The following PLGRKT variants were observed in gnomAD, a reference collection of about 807,000 sequenced individuals.
PLGRKT encodes the protein plasminogen receptor with a C-terminal lysine, also known as plasminogen receptor (KT).
Under a neutral mutation model 18.5 loss-of-function variants are expected in PLGRKT, and 22 were observed. The observed-to-expected ratio is 1.19, with a 90% CI of 0.85 to 1.70. The LOEUF (loss-of-function observed/expected upper bound fraction) is 1.70, where lower values mean the gene tolerates loss of function less well. PLGRKT is among the 40% of genes most tolerant of loss of function. The pLI is 0.00. For missense variants in PLGRKT, 235 were observed against 174.4 expected (o/e 1.35, Z -1.96); for synonymous variants, 72 against 52.8 (o/e 1.36, Z -1.58).
chr9:5,369,925 C>A (rs904858480), intron 3 of PLGRKT, among the ~76,000 whole-genome samples: 13 of 151,814 alleles, frequency 8.6e-5, no homozygotes, highest in Non-Finnish European at 1.9e-4. Context: ...ACATCACACA[C>A]CAGGGCCTGT....
Position 5,418,630 on chromosome 9 carries a change from A to G in PLGRKT, c.81+13267T>C, listed in dbSNP as rs1451897849. On this transcript the variant is annotated intron_variant, in intron 3 of 5. Coordinates refer to ENST00000223864, the MANE Select transcript of PLGRKT (RefSeq NM_018465.4). This position sits in a 1 kb window ranked among gnomAD's most constrained non-coding sequence, Gnocchi z 4.2. ...GTTCCTGGGCAGCAGGTGGCGGCTCATATCTCCGGGCAGCAGCGCGTGCTC... is the reference window on the plus strand; with the variant it reads ...GTTCCTGGGCAGCAGGTGGCGGCTCGTATCTCCGGGCAGCAGCGCGTGCTC... 2 of 709,490 alleles carry G rather than the reference A, an allele frequency of 2.8e-6. No homozygotes were observed. Among genetic ancestry groups the G allele is most frequent in the Non-Finnish European group, 5.3e-6 (2 of 379,538 alleles). 43.9% of individuals were successfully genotyped at this position (709,490 alleles called of 1,614,324 possible).
chr9:5,367,858 C>G (rs1179938448), intron 3 of PLGRKT, among the ~76,000 whole-genome samples: 1 of 152,096 alleles, frequency 6.6e-6, no homozygotes, highest in African/African-American at 2.4e-5. Flanking sequence ...GGTCTAGTAT[C>G]CAGAATCTAT....
chr9:5,370,459 A>G (rs1236252085), intron 3 of PLGRKT, among the ~76,000 whole-genome samples: 1 of 152,232 alleles, frequency 6.6e-6, no homozygotes, highest in Admixed American at 6.5e-5. Context: ...TATTTACTGG[A>G]GCCTTCCCTA....
chr9:5,377,879 T>A (rs1247428723), intron 3 of PLGRKT, among the ~76,000 whole-genome samples: 1 of 152,088 alleles, frequency 6.6e-6, no homozygotes, highest in East Asian at 1.9e-4. Context: ...TCGAGGCAAT[T>A]CTGCACTTCG....
chr9:5,400,894 C>T (rs1818141395), intron 3 of PLGRKT, among the ~76,000 whole-genome samples: 1 of 151,848 alleles, frequency 6.6e-6, no homozygotes, highest in African/African-American at 2.4e-5. Context: ...CAGAAACATT[C>T]TGAGGCACTG....
chr9:5,411,462 G>A (rs1044473198), intron 3 of PLGRKT, among the ~76,000 whole-genome samples: 1 of 151,944 alleles, frequency 6.6e-6, no homozygotes, highest in East Asian at 1.9e-4. Context: ...ACCAATTCTT[G>A]GGTATCCTTC....
chr9:5,405,883 A>G (rs562435002), intron 3 of PLGRKT, among the ~76,000 whole-genome samples: 1 of 152,356 alleles, frequency 6.6e-6, no homozygotes, highest in South Asian at 2.1e-4. Flanking sequence ...AATATCCAGA[A>G]TCTACAAGGA....
At chr9:5,423,335 C>T (rs1818613778) in intron 3 of PLGRKT, among the ~76,000 whole-genome samples, 1 of 152,124 alleles carries the variant, frequency 6.6e-6, no homozygotes. Flanking sequence ...TGTTGTAATG[C>T]CAAAGGAATA....
intron 3 of PLGRKT, among the ~76,000 whole-genome samples, chr9:5,388,787 G>A (rs10975089): frequency 0.28 from 42,750 of 151,884 alleles, 6,316 homozygotes; most frequent in Non-Finnish European, 0.3. Context: ...CAGTTTCCTC[G>A]TCTACAAAGT....
chr9:5,381,677 C>T (rs1055811882), intron 3 of PLGRKT, among the ~76,000 whole-genome samples: 15 of 139,858 alleles, frequency 1.1e-4, no homozygotes, highest in African/African-American at 4.2e-4. Flanking sequence ...ATCTAAAACA[C>T]GCTTTAAAAG....
At position 5,398,842 on chromosome 9, in the gene PLGRKT, T is replaced by G. The variant is rs1031516862; in HGVS notation, c.81+33055A>C. On this transcript the variant is annotated intron_variant, in intron 3 of 5. Transcript: ENST00000223864. ...ACAAGTCATCCCAAAATATGCCACT[T>G]TGATGTATTATTTTGAGCTAAAAGA... is the stretch of plus-strand genomic sequence containing the variant. Among the ~76,000 whole-genome samples the G allele has an allele frequency of 4.0e-5, 6 of 151,842 alleles. No homozygotes were observed. The East Asian group carries it at 1.2e-3, about 29-fold the overall frequency.
intron 3 of PLGRKT, among the ~76,000 whole-genome samples, chr9:5,371,851 A>G (rs1199343681): frequency 1.3e-5 from 2 of 151,902 alleles, no homozygotes; most frequent in Non-Finnish European, 2.9e-5. Context: ...ATATTCCACT[A>G]TGTCATTCCC....
At chr9:5,424,460 T>C (rs989671610) in intron 3 of PLGRKT, among the ~76,000 whole-genome samples, 7 of 129,070 alleles carry the variant, frequency 5.4e-5, no homozygotes, top group African/African-American at 2.0e-4. Context: ...TATTATAACA[T>C]AATATATAAC....
At chr9:5,390,913 C>T (rs1044821978) in intron 3 of PLGRKT, among the ~76,000 whole-genome samples, 1 of 151,848 alleles carries the variant, frequency 6.6e-6, no homozygotes, top group South Asian at 2.1e-4. Context: ...TAACATAATT[C>T]TCAATTGTCA....
chr9:5,409,138 G>C (rs1384402513), intron 3 of PLGRKT, among the ~76,000 whole-genome samples: 2 of 152,220 alleles, frequency 1.3e-5, no homozygotes, highest in Non-Finnish European at 2.9e-5. Flanking sequence ...CCCCCACAAA[G>C]ATTCCACTGG....
chr9:5,372,207 T>C (rs1325720261), intron 3 of PLGRKT, among the ~76,000 whole-genome samples: 1 of 152,012 alleles, frequency 6.6e-6, no homozygotes, highest in Non-Finnish European at 1.5e-5. Flanking sequence ...TCTCGATCTC[T>C]TGACCTCGTG....
At chr9:5,401,286 G>C (rs907596834) in intron 3 of PLGRKT, among the ~76,000 whole-genome samples, 1 of 138,450 alleles carries the variant, frequency 7.2e-6, no homozygotes, top group South Asian at 2.3e-4. Flanking sequence ...TTTAAATATA[G>C]GACGGGCTAG....
chr9:5,432,007 G>C (rs377336423), intron 2 of PLGRKT, 24 bp from the exon 3 acceptor site: 36 of 1,030,304 alleles, frequency 3.5e-5, no homozygotes, highest in Non-Finnish European at 4.0e-5. Context: ...AAAGCAAGGA[G>C]ACTTATAATA....
At chr9:5,412,163 T>C (rs557430972) in intron 3 of PLGRKT, among the ~76,000 whole-genome samples, 32 of 152,310 alleles carry the variant, frequency 2.1e-4, no homozygotes, top group Admixed American at 1.0e-3. Flanking sequence ...TACAGAGACT[T>C]AGTATGTGAT....
Sources: gnomAD v4.1 joint callset for allele counts (sites outside exome capture counted in the v4.1 genomes callset) on GRCh38, gnomAD v4.1.1 for gene constraint, Gnocchi (gnomAD v3.1) non-coding constraint, MANE v1.5 for transcripts, NCBI Gene and HGNC (gene_info 2026-07-23, HGNC 2026-07-21) for gene names.